Variants in TASP1 observed in about 807,000 individuals in gnomAD.
The protein encoded by TASP1 is threonine aspartase 1.
Under a neutral mutation model 56.6 loss-of-function variants are expected in TASP1, and 16 were observed. The ratio of observed to expected loss-of-function variants is 0.28; its 90% CI spans 0.19 to 0.43. The LOEUF (loss-of-function observed/expected upper bound fraction) is 0.43. Among genes scored for constraint, TASP1 ranks in the 20% least tolerant of loss-of-function variants. TASP1 has a pLI of 1.00. For synonymous variants in TASP1, 179 were observed against 184.2 expected, an observed-to-expected ratio of 0.97 and a Z score of 0.23; for missense variants, 393 against 511.6, an observed-to-expected ratio of 0.77 and a Z score of 2.24.
chr20:13,121,244 C>A, the TASP1 span, among the ~76,000 whole-genome samples: 4 of 152,138 alleles, frequency 2.6e-5, no homozygotes, highest in African/African-American at 9.7e-5. Flanking sequence ...GCCCTTGTAA[C>A]TGATAGGTTG....
At chr20:13,259,793 C>T in the TASP1 span, among the ~76,000 whole-genome samples, 1 of 152,214 alleles carries the variant, frequency 6.6e-6, no homozygotes. Flanking sequence ...AGTGAAGATA[C>T]ATGCTCCTAC....
intron 10 of TASP1, among the ~76,000 whole-genome samples, chr20:13,524,490 T>C (rs985581024): frequency 6.6e-6 from 1 of 152,106 alleles, no homozygotes; most frequent in Non-Finnish European, 1.5e-5. Context: ...ATTTCTTAAT[T>C]TTTATTTGTA....
In TASP1 at chr20:13,630,056, C is replaced by G; in HGVS notation, c.23G>C (p.Ser8Thr). 1 of 1,613,558 alleles carries G rather than the reference C, an allele frequency of 6.2e-7. No homozygotes were observed. The highest frequency in any genetic ancestry group is 8.5e-7 in the Non-Finnish European group (1 of 1,179,900). The change falls in exon 2 of 14, where the codon AGT (serine) becomes ACT (threonine). Residue 8 changes from serine (S) to threonine (T), a missense_variant. Ser to Thr is a moderately conservative substitution (Grantham distance 58). This residue lies in a region of TASP1 where 52 missense variants were observed against 51.1 expected (regional missense o/e 1.02). Transcript: ENST00000337743. MTMEKGM[S>T]SGEGLPSRSS... is the part of the protein sequence containing the mutation. ...TCTGGAAGGCAGCCCTTCTCCAGAA[C>G]TCATCCCCTTCTCCATGGTCATTCT...
chr20:13,254,212 G>T, the TASP1 span, among the ~76,000 whole-genome samples: 1 of 151,590 alleles, frequency 6.6e-6, no homozygotes, highest in Non-Finnish European at 1.5e-5. Flanking sequence ...CAGCCTGGGC[G>T]ACAGAGCAAA....
At chr20:13,636,672 G>A (rs2049322596) in intron 1 of TASP1, among the ~76,000 whole-genome samples, 1 of 151,996 alleles carries the variant, frequency 6.6e-6, no homozygotes, top group African/African-American at 2.4e-5. Flanking sequence ...CAACCTAAAT[G>A]TCCAATACAG....
At chr20:13,286,125 C>T in the TASP1 span, among the ~76,000 whole-genome samples, 1 of 152,010 alleles carries the variant, frequency 6.6e-6, no homozygotes, top group Admixed American at 6.6e-5. Flanking sequence ...TACTTTTGAC[C>T]TTTTTTTAGC....
At chr20:13,528,165 G>A (rs1312503235) in intron 10 of TASP1, among the ~76,000 whole-genome samples, 1 of 137,294 alleles carries the variant, frequency 7.3e-6, no homozygotes, top group Non-Finnish European at 1.5e-5. Flanking sequence ...AGAAATTGCA[G>A]TGAGCCAAGA....
chr20:13,342,715 T>A, the TASP1 span, among the ~76,000 whole-genome samples: 46 of 152,266 alleles, frequency 3.0e-4, no homozygotes, highest in African/African-American at 8.9e-4. Context: ...TTTGGAGATT[T>A]CACAAGAGCC....
intron 4 of TASP1, among the ~76,000 whole-genome samples, chr20:13,609,008 A>AT (rs1028665998): frequency 3.9e-5 from 6 of 152,166 alleles, no homozygotes; most frequent in African/African-American, 1.4e-4. Flanking sequence ...TTTATTTATC[A>AT]TTTTTTTGGA....
chr20:13,318,876 G>A, the TASP1 span, among the ~76,000 whole-genome samples: 2 of 152,218 alleles, frequency 1.3e-5, no homozygotes, highest in African/African-American at 4.8e-5. Flanking sequence ...TTGAGAAGAG[G>A]AAGGGATAAA....
intron 4 of TASP1, among the ~76,000 whole-genome samples, chr20:13,620,500 T>C (rs187672904): frequency 1.3e-5 from 2 of 152,340 alleles, no homozygotes; most frequent in African/African-American, 2.4e-5. Flanking sequence ...GGAATTCACA[T>C]CAATTTCAAT....
chr20:13,146,307 G>A, the TASP1 span, among the ~76,000 whole-genome samples: 1 of 152,248 alleles, frequency 6.6e-6, no homozygotes, highest in East Asian at 1.9e-4. Flanking sequence ...GAGAGGAGCA[G>A]AAGAGAGAAC....
At chr20:13,303,707 T>C in the TASP1 span, among the ~76,000 whole-genome samples, 2 of 152,184 alleles carry the variant, frequency 1.3e-5, no homozygotes, top group Admixed American at 6.5e-5. Flanking sequence ...ATTTAGTCAT[T>C]TGCCAAATAT....
At chr20:13,615,064 C>G (rs1426878892) in intron 4 of TASP1, among the ~76,000 whole-genome samples, 1 of 152,158 alleles carries the variant, frequency 6.6e-6, no homozygotes, top group African/African-American at 2.4e-5. Context: ...TATCAAATGA[C>G]ATGGTCAGAA....
the TASP1 span, among the ~76,000 whole-genome samples, chr20:13,334,276 A>G: frequency 6.6e-6 from 1 of 152,244 alleles, no homozygotes; most frequent in East Asian, 1.9e-4. Flanking sequence ...AGTGGAACTA[A>G]TATCTACAAA....
chr20:13,621,252 T>TG (rs1449634062), intron 4 of TASP1, among the ~76,000 whole-genome samples: 5 of 151,704 alleles, frequency 3.3e-5, no homozygotes, highest in Non-Finnish European at 7.4e-5. Context: ...GGTGAAACCC[T>TG]GTCTCTACTT....
chr20:13,504,218 A>G (rs914435768), intron 10 of TASP1, among the ~76,000 whole-genome samples: 2 of 152,120 alleles, frequency 1.3e-5, no homozygotes, highest in African/African-American at 4.8e-5. Context: ...GAGGCTCATC[A>G]CATACAAGAA....
chr20:13,241,802 G>T, the TASP1 span, among the ~76,000 whole-genome samples: 219 of 152,258 alleles, frequency 1.4e-3, no homozygotes, highest in African/African-American at 5.0e-3. Context: ...AAGCAAGTTT[G>T]TCAAGTTGGA....
At chr20:13,519,859 A>G (rs1050461564) in intron 10 of TASP1, among the ~76,000 whole-genome samples, 12 of 152,214 alleles carry the variant, frequency 7.9e-5, no homozygotes, top group Admixed American at 2.0e-4. Context: ...ACATGATTGT[A>G]TATCTAGAAA....
Sources: gnomAD v4.1 joint callset for allele counts (sites outside exome capture counted in the v4.1 genomes callset) on GRCh38, gnomAD v4.1.1 for gene constraint, gnomAD v4.1.1 regional missense constraint, MANE v1.5 for transcripts, NCBI Gene and HGNC (gene_info 2026-07-23, HGNC 2026-07-21) for gene names.